The following NRXN1 variants were observed in gnomAD, a reference collection of about 807,000 sequenced individuals.
The protein encoded by NRXN1 is neurexin 1.
A neutral mutation model predicts 150.9 loss-of-function variants in NRXN1; 39 were observed. The ratio of observed to expected loss-of-function variants is 0.26; its 90% confidence interval spans 0.20 to 0.34. The LOEUF is 0.34. Ranked by LOEUF, NRXN1 falls within the 10% of genes least tolerant of loss-of-function variation. The pLI is 1.00. For synonymous variants in NRXN1, 924 were observed against 757.0 expected (o/e 1.22, Z -3.62); for missense variants, 1,815 against 1,949.9 (o/e 0.93, Z 1.30).
intron 2 of NRXN1, among the ~76,000 whole-genome samples, chr2:50,958,673 G>A (rs1327072247): frequency 1.3e-5 from 2 of 151,910 alleles, no homozygotes; most frequent in Non-Finnish European, 2.9e-5. Flanking sequence ...TTCTAGTCTG[G>A]ATACCTCTTA....
At chr2:50,194,389 ATAT>A (rs1177613918) in intron 18 of NRXN1, among the ~76,000 whole-genome samples, 2 of 152,194 alleles carry the variant, frequency 1.3e-5, no homozygotes, top group African/African-American at 2.4e-5. Flanking sequence ...TAAGGGCTAA[ATAT>A]TATTTACAAA....
chr2:50,810,924 G>A (rs2105761523), intron 5 of NRXN1, among the ~76,000 whole-genome samples: 1 of 151,934 alleles, frequency 6.6e-6, no homozygotes, highest in African/African-American at 2.4e-5. Flanking sequence ...TGATTGCAGT[G>A]AGCTGAGATC....
At chr2:50,765,397 A>G (rs1391647268) in intron 5 of NRXN1, among the ~76,000 whole-genome samples, 2 of 152,050 alleles carry the variant, frequency 1.3e-5, no homozygotes, top group African/African-American at 2.4e-5. Context: ...TTGTCCCTAC[A>G]AAAGAAAAAA....
At position 50,055,005 on chromosome 2, in the gene NRXN1, C is replaced by T. The variant is rs1324954305; in HGVS notation, c.3758G>A (p.Arg1253Gln). ...DNERLAIARQ[R>Q]IPYRLGRVVD... The stretch of plus-strand genomic sequence containing the variant: ...TACTCGACCAAGTCGATATGGAATT[C>T]GCTGTCTAGCAATCGCCAGGCGCTC... The change falls in exon 20 of 23, where the codon CGA becomes CAA. Residue 1253 changes from arginine to glutamine, a missense_variant. This residue lies in a region of NRXN1 where 5 missense variants were observed against 22.8 expected (regional missense o/e 0.22). Transcript: ENST00000401669. The T allele has an allele frequency of 1.2e-6, 2 of 1,600,494 alleles. No individual in the cohort carries two copies. Among genetic ancestry groups the T allele is most frequent in the Non-Finnish European group, 1.7e-6 (2 of 1,174,894 alleles).
In NRXN1 at chr2:50,354,554, C is replaced by T. The variant is rs866999065; in HGVS notation, c.3364+110888G>A. Among the ~76,000 whole-genome samples the T allele has an allele frequency of 1.7e-3, 174 of 100,090 alleles. 1 individual carries two copies. The highest frequency in any genetic ancestry group is 0.013 in the East Asian group (47 of 3,556). The allele number at this position is 100,090 out of a possible 152,430, so 65.7% of individuals were successfully genotyped here. A position where few individuals can be genotyped will look rare whatever the true frequency, so the allele number is the denominator to read the frequency against. ...ACTACCTTAGCGTCTAGAGTGCATA[C>T]ATATATATATATATATATATATATA... is the stretch of plus-strand genomic sequence containing the variant. On this transcript the variant is annotated intron_variant, in intron 17 of 22. Transcript: ENST00000401669.
rs79652008 is a variant in NRXN1 at position 50,450,073 on chromosome 2, A to G, written c.3364+15369T>C. Among the ~76,000 whole-genome samples the G allele has an allele frequency of 6.0e-3, 916 of 152,300 alleles. 13 individuals are homozygous for G. Among genetic ancestry groups the G allele is most frequent in the African/African-American group, 0.021 (858 of 41,566 alleles). On this transcript the variant is annotated intron_variant, in intron 17 of 22. Coordinates refer to ENST00000401669, the MANE Select transcript of NRXN1 (RefSeq NM_001330078.2). ...CTCATCTGTTTACTTCTGTAAATAT[A>G]GAGTGTAGCAAAGTACCTATTGTTA...
Position 50,824,131 on chromosome 2 carries a change from A to AT in NRXN1, c.832+97737dup, listed in dbSNP as rs530987160. 9.2e-5 allele frequency among the ~76,000 whole-genome samples: 14 copies of AT among 152,178 alleles called. No homozygotes were observed. In the East Asian group the frequency reaches 2.3e-3, roughly 25 times the overall value. On this transcript the variant is annotated intron_variant, in intron 5 of 22. Coordinates refer to ENST00000401669, the MANE Select transcript of NRXN1 (RefSeq NM_001330078.2). ...AAGTGTGGCTGTGCCACCAAACTAC[A>AT]TTTTTTTCACACACAAAAAAGAGAA...
intron 5 of NRXN1, among the ~76,000 whole-genome samples, chr2:50,624,151 C>G (rs1371375595): frequency 2.6e-5 from 4 of 152,042 alleles, no homozygotes; most frequent in African/African-American, 7.2e-5. Context: ...CCCAAATGTC[C>G]AACAATGATA....
At position 50,536,737 on chromosome 2, in the gene NRXN1, C is replaced by T. The variant is rs528886203; in HGVS notation, c.2143+1516G>A. On this transcript the variant is annotated intron_variant, in intron 10 of 22. Coordinates refer to ENST00000401669, the MANE Select transcript of NRXN1 (RefSeq NM_001330078.2). ...GTATTATACCTTGCAAGCTTTGTTACATTGTTCATCCTTTTGGCAATTTCC... is the reference window on the plus strand; with the variant it reads ...GTATTATACCTTGCAAGCTTTGTTATATTGTTCATCCTTTTGGCAATTTCC... Among the ~76,000 whole-genome samples, 143 of 152,286 alleles carry T rather than the reference C, an allele frequency of 9.4e-4. 1 individual carries two copies. The highest frequency in any genetic ancestry group is 3.4e-3 in the African/African-American group (141 of 41,572).
intron 17 of NRXN1, among the ~76,000 whole-genome samples, chr2:50,352,416 T>C (rs966645602): frequency 6.6e-6 from 1 of 152,102 alleles, no homozygotes; most frequent in Admixed American, 6.6e-5. Context: ...TAAAGCTCAG[T>C]ATTAAGCTTT....
intron 21 of NRXN1, among the ~76,000 whole-genome samples, chr2:49,946,877 T>G (rs952249596): frequency 6.6e-6 from 1 of 152,100 alleles, no homozygotes; most frequent in East Asian, 1.9e-4. Flanking sequence ...TATAGACCAA[T>G]GGAATAGAAC....
chr2:50,823,219 T>C (rs1669980418), intron 5 of NRXN1, among the ~76,000 whole-genome samples: 1 of 152,176 alleles, frequency 6.6e-6, no homozygotes, highest in Non-Finnish European at 1.5e-5. Context: ...AAATATATTT[T>C]AGTTGCCAAT....
chr2:50,630,557 C>T (rs11691013), intron 5 of NRXN1, among the ~76,000 whole-genome samples: 4 of 151,580 alleles, frequency 2.6e-5, no homozygotes, highest in East Asian at 1.9e-4. Flanking sequence ...AGGATGCCTG[C>T]GGGCAGAACG....
intron 18 of NRXN1, among the ~76,000 whole-genome samples, chr2:50,141,223 T>C (rs997409448): frequency 1.3e-5 from 2 of 151,978 alleles, no homozygotes; most frequent in East Asian, 1.9e-4. Flanking sequence ...AAGGTTTAAA[T>C]TGGGCCATGT....
chr2:50,430,141 G>T (rs2084842825), intron 17 of NRXN1, among the ~76,000 whole-genome samples: 1 of 152,098 alleles, frequency 6.6e-6, no homozygotes, highest in African/African-American at 2.4e-5. Flanking sequence ...ATCCTTAACT[G>T]TCACTCAATT....
intron 17 of NRXN1, among the ~76,000 whole-genome samples, chr2:50,342,245 A>G (rs80201897): frequency 0.091 from 13,836 of 152,358 alleles, 856 homozygotes; most frequent in Non-Finnish European, 0.13. Context: ...TGCCAGGGTT[A>G]CTTGGATCAT....
chr2:50,439,145 T>C lies in NRXN1; in HGVS notation c.3364+26297A>G, dbSNP rs147157926. Among the ~76,000 whole-genome samples the C allele has an allele frequency of 3.0e-4, 45 of 152,306 alleles. No individual in the cohort carries two copies. In the East Asian group the frequency reaches 3.9e-3, roughly 13 times the overall value. Reference sequence around the variant, plus strand: ...AAAGATTGAGATCAGACATGGTGACTACAATACCTCCAGCACTAAGAGTTG... The same window carrying C: ...AAAGATTGAGATCAGACATGGTGACCACAATACCTCCAGCACTAAGAGTTG... On this transcript the variant is annotated intron_variant, in intron 17 of 22. Transcript: ENST00000401669.
chr2:50,643,340 T>G (rs1573937441), intron 5 of NRXN1, among the ~76,000 whole-genome samples: 1 of 151,930 alleles, frequency 6.6e-6, no homozygotes, highest in East Asian at 1.9e-4. Context: ...GGTTAATGAG[T>G]TGACACTTAT....
chr2:50,933,769 T>A (rs1041191958), intron 2 of NRXN1, among the ~76,000 whole-genome samples: 1 of 152,128 alleles, frequency 6.6e-6, no homozygotes, highest in South Asian at 2.1e-4. Flanking sequence ...TCCTTTTTAA[T>A]GTTTTCCTGA....
Sources: allele counts gnomAD v4.1 joint callset (sites outside exome capture counted in the v4.1 genomes callset), GRCh38; gene constraint gnomAD v4.1.1; regional missense constraint gnomAD v4.1.1; transcripts MANE v1.5; gene names NCBI Gene and HGNC (gene_info 2026-07-23, HGNC 2026-07-21).